The following DGKQ variants were observed in gnomAD, a reference collection of about 807,000 sequenced individuals.
DGKQ encodes diacylglycerol kinase theta.
In DGKQ, 97 loss-of-function variants were observed where a neutral mutation model predicts 104.2. That is an observed-to-expected ratio of 0.93 (90% CI 0.79 to 1.10). The LOEUF (loss-of-function observed/expected upper bound fraction) is 1.10. DGKQ is among the 50% of genes least tolerant of loss of function. The pLI is 0.00. For missense variants in DGKQ, 1,465 were observed against 1,352.1 expected (o/e 1.08, Z -1.31); for synonymous variants, 736 against 595.2 (o/e 1.24, Z -3.44).
chr4:962,258 C>T (rs967811646), intron 18 of DGKQ, among the ~76,000 whole-genome samples, 176 bp from the exon 19 acceptor site: 1 of 152,212 alleles, frequency 6.6e-6, no homozygotes. Context: ...CCAGCTGGCT[C>T]AGCACAATCC....
chr4:967,709 G>T lies in DGKQ; in HGVS notation c.886+19C>A, dbSNP rs760127954. The T allele has an allele frequency of 2.5e-6, 4 of 1,611,846 alleles. No homozygotes were observed. Among genetic ancestry groups the T allele is most frequent in the Non-Finnish European group, 8.5e-7 (1 of 1,179,438 alleles). On this transcript the variant is annotated intron_variant, in intron 7 of 22. Coordinates refer to ENST00000273814, the MANE Select transcript of DGKQ (RefSeq NM_001347.4). ...CGGGGGACCTCAGTGGAGTTGGGGG[G>T]AATGAGGCGGGCACTTACCGGACTC... is the stretch of plus-strand genomic sequence containing the variant.
In DGKQ at chr4:971,915, G is replaced by A. The variant is rs1201892781; in HGVS notation, c.272-843C>T. ...CCGCTGGTGCCGCCCTTCACCTGCTGCAGCCCTAGCCACCCCAGTCTCCAG... is the reference window on the plus strand; with the variant it reads ...CCGCTGGTGCCGCCCTTCACCTGCTACAGCCCTAGCCACCCCAGTCTCCAG... On this transcript the variant is annotated intron_variant, in intron 1 of 22. Coordinates refer to ENST00000273814, the MANE Select transcript of DGKQ (RefSeq NM_001347.4). The surrounding 1 kb of genome is among the most constrained non-coding windows in gnomAD (Gnocchi z 4.0). Among the ~76,000 whole-genome samples, 2 of 152,156 alleles carry A rather than the reference G, an allele frequency of 1.3e-5. No homozygotes were observed. Among genetic ancestry groups the A allele is most frequent in the Non-Finnish European group, 2.9e-5 (2 of 68,000 alleles).
At position 962,817 on chromosome 4, in the gene DGKQ, G is replaced by C; in HGVS notation, c.1990C>G (p.Leu664Val). ...LGALEETRYR[L>V]ACPEPSVAIL... is the part of the protein sequence containing the mutation. Reference sequence around the variant, plus strand: ...GCCACAGAAGGCTCCGGGCAGGCCAGTCGGTACCGTGTCTCCTCCAGGGCG... The same window carrying C: ...GCCACAGAAGGCTCCGGGCAGGCCACTCGGTACCGTGTCTCCTCCAGGGCG... The change falls in exon 17 of 23, where the codon CTG becomes GTG. Residue 664 changes from leucine to valine, a missense_variant. Physicochemically the swap from Leu to Val is conservative, Grantham distance 32 (BLOSUM62 1). Transcript: ENST00000273814. 6.2e-7 allele frequency: 1 copy of C among 1,606,262 alleles called. No homozygotes were observed. Among genetic ancestry groups the C allele is most frequent in the South Asian group, 1.1e-5 (1 of 89,794 alleles).
chr4:961,939 G>A (rs1711919044), intron 19 of DGKQ, 43 bp downstream of exon 19: 17 of 1,610,306 alleles, frequency 1.1e-5, no homozygotes, highest in African/African-American at 2.7e-5. Context: ...GGACCTGAGG[G>A]AGGTATGCCG....
intron 22 of DGKQ, 99 bp from the exon 23 acceptor site, chr4:960,820 A>G (rs1711831813): frequency 1.3e-6 from 2 of 1,525,162 alleles, no homozygotes; most frequent in Middle Eastern, 1.7e-4. Context: ...AGCTGATGCC[A>G]TCTCAGCCCC....
chr4:968,126 C>T, intron 5 of DGKQ, 99 bp from the exon 6 acceptor site: 1 of 1,031,350 alleles, frequency 9.7e-7, no homozygotes, highest in East Asian at 2.8e-5. Flanking sequence ...GCAGACCCAC[C>T]TGGACCCCGT....
intron 5 of DGKQ, 117 bp downstream of exon 5, chr4:968,165 C>T: frequency 1.3e-6 from 1 of 745,548 alleles, no homozygotes; most frequent in Non-Finnish European, 2.0e-6. Context: ...CCCCGAGCAC[C>T]CACCTGGAAC....
In DGKQ at chr4:966,569, G is replaced by A. The variant is rs564047814; in HGVS notation, c.1367-42C>T. 1.1e-5 allele frequency: 18 copies of A among 1,592,536 alleles called. 1 individual carries two copies. In the East Asian group the frequency reaches 1.1e-4, roughly 10 times the overall value. The stretch of plus-strand genomic sequence containing the variant: ...ACAGGCCGTCAGCACCCGGCTCCTC[G>A]CCCACCTTGGAAGCAGCTGCCCGGA... On this transcript the variant is annotated intron_variant, in intron 11 of 22. Coordinates refer to ENST00000273814, the MANE Select transcript of DGKQ (RefSeq NM_001347.4).
Position 962,858 on chromosome 4 carries a change from A to G in DGKQ, c.1949T>C (p.Val650Ala). The G allele has an allele frequency of 1.2e-6, 2 of 1,608,480 alleles. No individual in the cohort carries two copies. The highest frequency in any genetic ancestry group is 1.7e-6 in the Non-Finnish European group (2 of 1,178,236). Residue 650 changes from valine to alanine, a missense_variant, in exon 17 of 23, where the codon GTG becomes GCG. Physicochemically the swap from Val to Ala is moderately conservative, Grantham distance 64. Transcript: ENST00000273814. ...CTCCAGGGCGCCAAGCACCCAGCCC[A>G]CAGTGCCATCGCCACCACACACCAG... The part of the protein sequence containing the change: ...RVLVCGGDGT[V>A]GWVLGALEET...
Position 973,430 on chromosome 4 carries a change from G to C in DGKQ, c.53C>G (p.Pro18Arg). 1 of 990,492 alleles carries C rather than the reference G, an allele frequency of 1.0e-6. No individual in the cohort carries two copies. Among genetic ancestry groups the C allele is most frequent in the East Asian group, 1.1e-4 (1 of 9,080 alleles). 61.4% of individuals were successfully genotyped at this position (990,492 alleles called of 1,614,324 possible). A position where few individuals can be genotyped will look rare whatever the true frequency, so the allele number is the denominator to read the frequency against. ...GARAWLGGGSPRPGSPACSPV... is the reference protein window; with the variant it reads ...GARAWLGGGSRRPGSPACSPV... ...GCTGCAGGCCGGGCTGCCGGGGCGC[G>C]GGGAGCCGCCGCCCAGCCAGGCGCG... Residue 18 changes from proline to arginine, a missense_variant, in exon 1 of 23, where the codon CCG becomes CGG. Transcript: ENST00000273814.
At chr4:961,872 C>T (rs1711914522) in intron 19 of DGKQ, 38 bp from the exon 20 acceptor site, 3 of 1,593,958 alleles carry the variant, frequency 1.9e-6, no homozygotes, top group Non-Finnish European at 8.5e-7. Context: ...CCAGGGGAAG[C>T]CCTACCCCGC....
At chr4:964,282 A>G (rs538214213) in intron 15 of DGKQ, among the ~76,000 whole-genome samples, 1 of 152,336 alleles carries the variant, frequency 6.6e-6, no homozygotes, top group Non-Finnish European at 1.5e-5. Flanking sequence ...CGTCCCAGCC[A>G]CAGACAACTC....
chr4:970,610 T>C (rs969417575), intron 2 of DGKQ, among the ~76,000 whole-genome samples: 2 of 152,128 alleles, frequency 1.3e-5, no homozygotes, highest in Non-Finnish European at 2.9e-5. Flanking sequence ...CTCCCCTAAG[T>C]GTGTGATCTT....
chr4:967,004 C>A lies in DGKQ; in HGVS notation c.1271G>T (p.Arg424Leu). Residue 424 changes from arginine to leucine, a missense_variant, in exon 10 of 23, where the codon CGC becomes CTC. Arg to Leu is a moderately radical substitution (Grantham distance 102, BLOSUM62 -2). Transcript: ENST00000273814. ...SVRVTPKSTA[R>L]SVVLEVLPLL... ...CGGCAGGACCTCCAGCACCACAGAG[C>A]GGGCCGTGCTCTTCGGGGTCACTCG... 1 of 1,565,212 alleles carries A rather than the reference C, an allele frequency of 6.4e-7. No homozygotes were observed. The highest frequency in any genetic ancestry group is 8.6e-7 in the Non-Finnish European group (1 of 1,157,370).
At chr4:969,027 G>C (rs1712712210) in intron 2 of DGKQ, 117 bp from the exon 3 acceptor site, 1 of 651,208 alleles carries the variant, frequency 1.5e-6, no homozygotes, top group African/African-American at 1.9e-5. Flanking sequence ...AACTGCCCAG[G>C]CTGAGCCAGC....
At position 967,303 on chromosome 4, in the gene DGKQ, C is replaced by T. The variant is rs183334682; in HGVS notation, c.1046G>A (p.Arg349Gln). 28 of 1,541,858 alleles carry T rather than the reference C, an allele frequency of 1.8e-5. No individual in the cohort carries two copies. Among genetic ancestry groups the T allele is most frequent in the Admixed American group, 1.2e-4 (6 of 51,772 alleles). ...PEDPGHLELC[R>Q]LPPSSQACDA... ...ACAGGCCTGAGAGGAAGGGGGCAGC[C>T]GGCACAGCTCCAGGTGGCCAGGGTC... is the stretch of plus-strand genomic sequence containing the variant. Residue 349 changes from arginine (R) to glutamine (Q), a missense_variant, in exon 9 of 23, where the codon CGG becomes CAG. Coordinates refer to ENST00000273814, the MANE Select transcript of DGKQ (RefSeq NM_001347.4).
chr4:968,525 G>A lies in DGKQ; in HGVS notation c.491C>T (p.Ala164Val). 1.2e-6 allele frequency: 2 copies of A among 1,609,740 alleles called. No individual in the cohort carries two copies. The highest frequency in any genetic ancestry group is 1.7e-6 in the Non-Finnish European group (2 of 1,178,682). ...GTGGCACTGGCGGCAGTCACTGCAGGCGAAGGGCACACAGTCTGGGTGGAG... is the reference window on the plus strand; with the variant it reads ...GTGGCACTGGCGGCAGTCACTGCAGACGAAGGGCACACAGTCTGGGTGGAG... ...LHLHPDCVPF[A>V]CSDCRQCHQD... The change falls in exon 4 of 23, where the codon GCC (alanine) becomes GTC (valine). Residue 164 changes from alanine (A) to valine (V), a missense_variant. Coordinates refer to ENST00000273814, the MANE Select transcript of DGKQ (RefSeq NM_001347.4).
chr4:962,204 C>T, intron 18 of DGKQ, 122 bp from the exon 19 acceptor site: 2 of 967,956 alleles, frequency 2.1e-6, no homozygotes, highest in Non-Finnish European at 3.1e-6. Context: ...AAGCCGAGCA[C>T]CCAGGAGAGG....
At chr4:963,574 A>G (rs1712056743) in intron 15 of DGKQ, among the ~76,000 whole-genome samples, 1 of 152,200 alleles carries the variant, frequency 6.6e-6, no homozygotes, top group Non-Finnish European at 1.5e-5. Flanking sequence ...CTGCGTGTGA[A>G]CAGACCACAC....
Sources: gnomAD v4.1 joint callset for allele counts (sites outside exome capture counted in the v4.1 genomes callset) on GRCh38, gnomAD v4.1.1 for gene constraint, Gnocchi (gnomAD v3.1) non-coding constraint, MANE v1.5 for transcripts, NCBI Gene and HGNC (gene_info 2026-07-23, HGNC 2026-07-21) for gene names.